The following POLR1A variants were observed in gnomAD, a reference collection of about 807,000 sequenced individuals.
POLR1A encodes the protein DNA-directed RNA polymerase I subunit RPA1.
POLR1A carries 84 observed loss-of-function variants against 205.3 expected under a neutral mutation model. The ratio of observed to expected loss-of-function variants is 0.41; its 90% confidence interval spans 0.34 to 0.49. POLR1A has a LOEUF of 0.49. Ranked by LOEUF, POLR1A falls within the 20% of genes least tolerant of loss-of-function variation. The pLI, the probability that POLR1A is intolerant of heterozygous loss-of-function variation, is 0.22. For synonymous variants in POLR1A, 799 were observed against 863.7 expected, an observed-to-expected ratio of 0.93 and a Z score of 1.31; for missense variants, 1,645 against 2,204.5, an observed-to-expected ratio of 0.75 and a Z score of 5.08.
intron 33 of POLR1A, 142 bp from the exon 34 acceptor site, chr2:86,027,665 C>A: frequency 1.2e-6 from 1 of 842,328 alleles, no homozygotes; most frequent in Non-Finnish European, 1.9e-6. Flanking sequence ...CGAGGCAGCC[C>A]CCCTCTAGCA....
At chr2:86,035,776 A>G (rs555608546) in intron 27 of POLR1A, among the ~76,000 whole-genome samples, 196 of 152,338 alleles carry the variant, frequency 1.3e-3, no homozygotes, top group African/African-American at 4.4e-3. Context: ...AGGCCTCAGC[A>G]GCTGTAACTC....
At chr2:86,053,439 C>A (rs1672841980) in intron 15 of POLR1A, among the ~76,000 whole-genome samples, 1 of 152,152 alleles carries the variant, frequency 6.6e-6, no homozygotes, top group Admixed American at 6.5e-5. Context: ...TGCCTCTGGC[C>A]TAGGTACTTC....
At chr2:86,030,580 C>T (rs1178056162) in intron 30 of POLR1A, among the ~76,000 whole-genome samples, 184 bp from the exon 31 acceptor site, 1 of 152,146 alleles carries the variant, frequency 6.6e-6, no homozygotes, top group Non-Finnish European at 1.5e-5. Flanking sequence ...TCAGCCATCT[C>T]CAGTCCCCCA....
chr2:86,035,204 CG>C (rs1672474267), intron 27 of POLR1A, among the ~76,000 whole-genome samples: 1 of 152,198 alleles, frequency 6.6e-6, no homozygotes, highest in Admixed American at 6.5e-5. Flanking sequence ...TAAAGGTGTA[CG>C]TGGTTTGCCC....
At chr2:86,067,385 A>C (rs1673099927) in intron 13 of POLR1A, among the ~76,000 whole-genome samples, 1 of 152,244 alleles carries the variant, frequency 6.6e-6, no homozygotes, top group African/African-American at 2.4e-5. Context: ...ACATATCTGA[A>C]GCCTTGCTTA....
Position 86,100,122 on chromosome 2 carries a change from C to A in POLR1A, c.128G>T (p.Gly43Val), listed in dbSNP as rs766563097. The change falls in exon 2 of 34, where the codon GGG (glycine) becomes GTG (valine). Residue 43 changes from glycine (G) to valine (V), a missense_variant. Physicochemically the swap from Gly to Val is moderately radical, Grantham distance 109 (BLOSUM62 -3). Transcript: ENST00000263857. ...GTACAGGCCGTTTGCCGATGGGTTC[C>A]CCAGGCTGTCCAGGTATCGAGGGTT... ...ITNPRYLDSL[G>V]NPSANGLYDL... is the part of the protein sequence containing the mutation. The A allele has an allele frequency of 1.2e-6, 2 of 1,614,152 alleles. No individual in the cohort carries two copies. Among genetic ancestry groups the A allele is most frequent in the African/African-American group, 2.7e-5 (2 of 75,026 alleles).
In POLR1A at chr2:86,071,227, C is replaced by CGTGTGCGCGCGCGT. The variant is rs1558777042; in HGVS notation, c.1612-956_1612-955insACGCGCGCGCACAC. Among the ~76,000 whole-genome samples the CGTGTGCGCGCGCGT allele has an allele frequency of 2.9e-3, 424 of 147,348 alleles. 4 individuals carry two copies. The highest frequency in any genetic ancestry group is 9.7e-3 in the East Asian group (47 of 4,838). On this transcript the variant is annotated intron_variant, in intron 12 of 33. Transcript: ENST00000263857. Reference sequence around the variant, plus strand: ...CCCAGCTTCTCTCTCTCTCCGTGTGCATGTGTGTGTGTGTGTGTGTGTGTG... The same window carrying CGTGTGCGCGCGCGT: ...CCCAGCTTCTCTCTCTCTCCGTGTGCGTGTGCGCGCGCGTATGTGTGTGTGTGTGTGTGTGTGTG...
intron 16 of POLR1A, among the ~76,000 whole-genome samples, chr2:86,050,522 G>A (rs1672783991): frequency 1.3e-5 from 2 of 152,044 alleles, no homozygotes; most frequent in South Asian, 2.1e-4. Flanking sequence ...TCAATCTCTC[G>A]CCTGTTCCCC....
Position 86,085,728 on chromosome 2 carries a change from G to A in POLR1A, c.731-2560C>T, listed in dbSNP as rs549475253. ...TGTGGAAGCCCATCTCCTCACATGC[G>A]CTGCATCCCCTCCTAACAAGAACTT... On this transcript the variant is annotated intron_variant, in intron 6 of 33. Transcript: ENST00000263857. Among the ~76,000 whole-genome samples the A allele has an allele frequency of 9.2e-5, 14 of 152,288 alleles. No homozygotes were observed. In the East Asian group the frequency reaches 1.7e-3, roughly 19 times the overall value.
Position 86,053,594 on chromosome 2 carries a change from A to G in POLR1A, c.2208+546T>C, listed in dbSNP as rs149710471. On this transcript the variant is annotated intron_variant, in intron 15 of 33. Transcript: ENST00000263857. The stretch of plus-strand genomic sequence containing the variant: ...CTGCGTAATGTAGCACCCATGAAGC[A>G]TATGGTCTATAAAGGAAAAGAAACC... Among the ~76,000 whole-genome samples the G allele has an allele frequency of 4.5e-3, 680 of 152,360 alleles. 3 individuals carry two copies. Among genetic ancestry groups the G allele is most frequent in the Non-Finnish European group, 6.0e-3 (407 of 68,028 alleles).
Position 86,038,863 on chromosome 2 carries a change from A to G in POLR1A, c.3877-6T>C. On this transcript the variant is annotated splice_polypyrimidine_tract_variant and splice_region_variant and intron_variant, in intron 26 of 33. Transcript: ENST00000263857. ...ACGTCAATTTTCTGCAACACCTGGA[A>G]CCAGACGGACAGAGAGAACTTGACT... is the stretch of plus-strand genomic sequence containing the variant. 1 of 1,613,878 alleles carries G rather than the reference A, an allele frequency of 6.2e-7. No individual in the cohort carries two copies. Among genetic ancestry groups the G allele is most frequent in the Non-Finnish European group, 8.5e-7 (1 of 1,179,820 alleles).
At chr2:86,027,671 T>C (rs902929068) in intron 33 of POLR1A, 148 bp from the exon 34 acceptor site, 1 of 837,912 alleles carries the variant, frequency 1.2e-6, no homozygotes, top group Non-Finnish European at 1.9e-6. Flanking sequence ...AGCCCCCCTC[T>C]AGCACTTGAG....
chr2:86,039,648 G>C (rs1672563182), intron 25 of POLR1A, among the ~76,000 whole-genome samples, 186 bp from the exon 26 acceptor site: 1 of 152,204 alleles, frequency 6.6e-6, no homozygotes, highest in Admixed American at 6.5e-5. Flanking sequence ...GGACTCCCCT[G>C]TCAGTTTCCT....
At chr2:86,038,909 G>A (rs2104386890) in intron 26 of POLR1A, 52 bp from the exon 27 acceptor site, 3 of 1,561,556 alleles carry the variant, frequency 1.9e-6, no homozygotes, top group South Asian at 2.2e-5. Context: ...CTAGGTGACT[G>A]CGCAATGTGA....
chr2:86,073,204 A>C (rs372480769), intron 12 of POLR1A, among the ~76,000 whole-genome samples: 5,948 of 26,556 alleles, frequency 0.22, 458 homozygotes, highest in African/African-American at 0.44. Context: ...GTCTCAAAAA[A>C]AAATAAAATA....
At chr2:86,054,750 A>T (rs1055945544) in intron 14 of POLR1A, among the ~76,000 whole-genome samples, 8 of 152,228 alleles carry the variant, frequency 5.3e-5, no homozygotes, top group African/African-American at 1.9e-4. Context: ...CATCCACCCA[A>T]CAAGCACTGC....
chr2:86,039,573 G>A (rs1672562380), intron 25 of POLR1A, 111 bp from the exon 26 acceptor site: 1 of 1,233,232 alleles, frequency 8.1e-7, no homozygotes, highest in Admixed American at 1.8e-5. Flanking sequence ...AGAGGCCTGG[G>A]GATCTCACAG....
chr2:86,038,950 A>G (rs915778462), intron 26 of POLR1A, 93 bp from the exon 27 acceptor site: 33 of 1,187,926 alleles, frequency 2.8e-5, no homozygotes, highest in Non-Finnish European at 3.8e-5. Flanking sequence ...GTTTACAGAG[A>G]TAGCAGCTGA....
At chr2:86,105,106 G>A (rs1450625194) in intron 1 of POLR1A, among the ~76,000 whole-genome samples, 2 of 152,184 alleles carry the variant, frequency 1.3e-5, no homozygotes, top group African/African-American at 4.8e-5. Flanking sequence ...GATCGATAGA[G>A]GAAGAGAGGG....
Sources: gnomAD v4.1 joint callset for allele counts (sites outside exome capture counted in the v4.1 genomes callset) on GRCh38, gnomAD v4.1.1 for gene constraint, MANE v1.5 for transcripts, NCBI Gene and HGNC (gene_info 2026-07-23, HGNC 2026-07-21) for gene names.